Variants in KIRREL3 observed in about 807,000 individuals in gnomAD.
KIRREL3 encodes kirre like nephrin family adhesion molecule 3.
Under a neutral mutation model 89.7 loss-of-function variants are expected in KIRREL3, and 36 were observed. The observed-to-expected ratio is 0.40, with a 90% CI of 0.31 to 0.53. The LOEUF is 0.53. Ranked by LOEUF, KIRREL3 falls within the 20% of genes least tolerant of loss-of-function variation. The probability of loss-of-function intolerance (pLI) is 0.49; values close to 1 mark genes in which losing one functional copy is unlikely to be tolerated. For missense variants in KIRREL3, 864 were observed against 1,056.6 expected, an observed-to-expected ratio of 0.82 and a Z score of 2.53; for synonymous variants, 445 against 441.4, an observed-to-expected ratio of 1.01 and a Z score of -0.10.
intron 1 of KIRREL3, among the ~76,000 whole-genome samples, chr11:126,975,729 C>A (rs1044593016): frequency 6.6e-6 from 1 of 152,126 alleles, no homozygotes; most frequent in Non-Finnish European, 1.5e-5. Context: ...GGGACTGGAG[C>A]AGCTAGAATC....
rs1939409757 is a variant in KIRREL3, at chr11:126,553,013, G to A, written c.133+9822C>T. Among the ~76,000 whole-genome samples the A allele has an allele frequency of 6.6e-6, 1 of 152,196 alleles. No homozygotes were observed. Among genetic ancestry groups the A allele is most frequent in the Non-Finnish European group, 1.5e-5 (1 of 68,046 alleles). Reference sequence around the variant, plus strand: ...ATCAGCCAGAAAAACAGAGGAAAAAGTCTAGTGGGGACACTAGTACCACTC... The same window carrying A: ...ATCAGCCAGAAAAACAGAGGAAAAAATCTAGTGGGGACACTAGTACCACTC... On this transcript the variant is annotated intron_variant, in intron 2 of 16. Transcript: ENST00000525144. The surrounding 1 kb of genome is among the most constrained non-coding windows in gnomAD (Gnocchi z 4.7).
chr11:126,786,006 T>C (rs1259081266), intron 1 of KIRREL3, among the ~76,000 whole-genome samples: 1 of 151,474 alleles, frequency 6.6e-6, no homozygotes, highest in Admixed American at 6.6e-5. Flanking sequence ...GTAAGTGATG[T>C]CACTTTTGTC....
Position 126,830,309 on chromosome 11 carries a change from C to A in KIRREL3, c.55+170146G>T, listed in dbSNP as rs944263394. ...TCATTAATAATATTTTGTTTGGGTT[C>A]CCACTTGCCACTTTCCATCCTCCTG... is the stretch of plus-strand genomic sequence containing the variant. On this transcript the variant is annotated intron_variant, in intron 1 of 16. Coordinates refer to ENST00000525144, the MANE Select transcript of KIRREL3 (RefSeq NM_032531.4). This position sits in a 1 kb window ranked among gnomAD's most constrained non-coding sequence, Gnocchi z 4.9. 1.3e-5 allele frequency among the ~76,000 whole-genome samples: 2 copies of A among 152,174 alleles called. No homozygotes were observed. The highest frequency in any genetic ancestry group is 6.5e-5 in the Admixed American group (1 of 15,278).
At chr11:126,671,971 C>T (rs946177144) in intron 1 of KIRREL3, among the ~76,000 whole-genome samples, 16 of 152,166 alleles carry the variant, frequency 1.1e-4, no homozygotes, top group African/African-American at 7.2e-5. Flanking sequence ...AAAACCTCCA[C>T]GAGAAGGTTT....
intron 1 of KIRREL3, among the ~76,000 whole-genome samples, chr11:126,657,720 C>T (rs753256919): frequency 6.6e-6 from 1 of 152,190 alleles, no homozygotes; most frequent in Non-Finnish European, 1.5e-5. Context: ...CATTTCTGCA[C>T]ATGGTCTGGG....
At chr11:126,618,433 T>A (rs1943442694) in intron 1 of KIRREL3, among the ~76,000 whole-genome samples, 1 of 152,014 alleles carries the variant, frequency 6.6e-6, no homozygotes, top group Non-Finnish European at 1.5e-5. Context: ...TTGTCTTTCT[T>A]TTTTTTTGTT....
At position 126,513,534 on chromosome 11, in the gene KIRREL3, C is replaced by T. The variant is rs1958297717; in HGVS notation, c.433+7781G>A. Among the ~76,000 whole-genome samples the T allele has an allele frequency of 1.3e-5, 2 of 152,166 alleles. No homozygotes were observed. The highest frequency in any genetic ancestry group is 2.9e-5 in the Non-Finnish European group (2 of 68,040). ...TGAGGGATCCTCTCTTCCTCCGGGC[C>T]TTGGAAGTCGTTTAATGCTTGAGTG... On this transcript the variant is annotated intron_variant, in intron 4 of 16. Coordinates refer to ENST00000525144, the MANE Select transcript of KIRREL3 (RefSeq NM_032531.4). The surrounding 1 kb of genome is among the most constrained non-coding windows in gnomAD (Gnocchi z 5.9).
At chr11:126,774,529 G>A (rs2134308895) in intron 1 of KIRREL3, among the ~76,000 whole-genome samples, 1 of 152,336 alleles carries the variant, frequency 6.6e-6, no homozygotes, top group East Asian at 1.9e-4. Context: ...CAGTGTGCAT[G>A]CCTTCACCCA....
At chr11:126,824,448 C>T (rs1311611873) in intron 1 of KIRREL3, among the ~76,000 whole-genome samples, 1 of 152,204 alleles carries the variant, frequency 6.6e-6, no homozygotes, top group Non-Finnish European at 1.5e-5. Flanking sequence ...ACAACTCACC[C>T]AACGTCACAC....
intron 1 of KIRREL3, among the ~76,000 whole-genome samples, chr11:126,962,344 G>T (rs1055088214): frequency 2.0e-5 from 3 of 152,152 alleles, no homozygotes; most frequent in African/African-American, 7.2e-5. Flanking sequence ...GAGTTTGGAA[G>T]AAGTTGATTC....
In KIRREL3 at chr11:126,857,818, C is replaced by T. The variant is rs1166396950; in HGVS notation, c.55+142637G>A. Among the ~76,000 whole-genome samples the T allele has an allele frequency of 2.7e-5, 4 of 149,730 alleles. No individual in the cohort carries two copies. In the East Asian group the frequency reaches 8.0e-4, roughly 30 times the overall value. On this transcript the variant is annotated intron_variant, in intron 1 of 16. Coordinates refer to ENST00000525144, the MANE Select transcript of KIRREL3 (RefSeq NM_032531.4). Reference sequence around the variant, plus strand: ...TGGGTGAGGCTGGGCCCTCTAGCTGCCTGGGATGTGAATGGAAGGAGGACT... The same window carrying T: ...TGGGTGAGGCTGGGCCCTCTAGCTGTCTGGGATGTGAATGGAAGGAGGACT...
chr11:126,464,919 G>A (rs1018492453), intron 5 of KIRREL3, among the ~76,000 whole-genome samples: 1 of 152,188 alleles, frequency 6.6e-6, no homozygotes, highest in Non-Finnish European at 1.5e-5. Flanking sequence ...ACCTTCCCAG[G>A]TCATTGCTTT....
chr11:126,804,928 A>T (rs1213544031), intron 1 of KIRREL3, among the ~76,000 whole-genome samples: 1 of 152,136 alleles, frequency 6.6e-6, no homozygotes, highest in Non-Finnish European at 1.5e-5. Flanking sequence ...ATTTTTGGCT[A>T]GGGGTTAAGA....
At chr11:126,942,427 A>C (rs1948481919) in intron 1 of KIRREL3, among the ~76,000 whole-genome samples, 1 of 152,166 alleles carries the variant, frequency 6.6e-6, no homozygotes, top group Admixed American at 6.5e-5. Context: ...ACAAGGTAAC[A>C]AAGTGACCTC....
In KIRREL3 at chr11:126,496,544, T is replaced by G. The variant is rs1043932529; in HGVS notation, c.434-23078A>C. ...GAGAACCCAAGGTGTTGGCCAAGTTTGGAGGGAGGGGTGGGTGTGATGGAG... is the reference window on the plus strand; with the variant it reads ...GAGAACCCAAGGTGTTGGCCAAGTTGGGAGGGAGGGGTGGGTGTGATGGAG... On this transcript the variant is annotated intron_variant, in intron 4 of 16. Coordinates refer to ENST00000525144, the MANE Select transcript of KIRREL3 (RefSeq NM_032531.4). The surrounding 1 kb of genome is among the most constrained non-coding windows in gnomAD (Gnocchi z 4.9). Among the ~76,000 whole-genome samples, 4 of 151,732 alleles carry G rather than the reference T, an allele frequency of 2.6e-5. No individual in the cohort carries two copies. The highest frequency in any genetic ancestry group is 4.4e-5 in the Non-Finnish European group (3 of 67,938).
chr11:126,648,494 T>C (rs1944781623), intron 1 of KIRREL3, among the ~76,000 whole-genome samples: 1 of 152,206 alleles, frequency 6.6e-6, no homozygotes, highest in African/African-American at 2.4e-5. Flanking sequence ...CCCACGCCTA[T>C]AGGAGTACTT....
rs1019577513 is a variant in KIRREL3, at chr11:126,830,600, T to G, written c.55+169855A>C. Among the ~76,000 whole-genome samples, 1 of 152,186 alleles carries G rather than the reference T, an allele frequency of 6.6e-6. No homozygotes were observed. The highest frequency in any genetic ancestry group is 2.4e-5 in the African/African-American group (1 of 41,438). ...CAGTCATCTCTTAGTGTTTCGATTT[T>G]AGAGCGGCTGTTAAGAGCCAGCTAA... is the stretch of plus-strand genomic sequence containing the variant. On this transcript the variant is annotated intron_variant, in intron 1 of 16. Transcript: ENST00000525144. The surrounding 1 kb of genome is among the most constrained non-coding windows in gnomAD (Gnocchi z 4.9).
chr11:126,923,129 CTCTTCTTCTTCTTCTT>C (rs1947437160), intron 1 of KIRREL3, among the ~76,000 whole-genome samples: 2 of 25,732 alleles, frequency 7.8e-5, no homozygotes, highest in African/African-American at 1.9e-4. Flanking sequence ...TCTCCTTCTT[CTCTTCTTCTTCTTCTT>C]CTTCTTCTTC....
intron 1 of KIRREL3, among the ~76,000 whole-genome samples, chr11:126,962,224 T>C (rs1274379968): frequency 6.6e-6 from 1 of 152,180 alleles, no homozygotes; most frequent in Non-Finnish European, 1.5e-5. Flanking sequence ...ATTCCTCTGA[T>C]GGATATGGGC....
Sources: allele counts gnomAD v4.1 joint callset (sites outside exome capture counted in the v4.1 genomes callset), GRCh38; gene constraint gnomAD v4.1.1; non-coding constraint Gnocchi (gnomAD v3.1); transcripts MANE v1.5; gene names NCBI Gene and HGNC (gene_info 2026-07-23, HGNC 2026-07-21).